Variants in MPZL3 observed in about 807,000 individuals in gnomAD.
MPZL3 encodes myelin protein zero-like protein 3.
Under a neutral mutation model 24.8 loss-of-function variants are expected in MPZL3, and 23 were observed. The ratio of observed to expected loss-of-function variants is 0.93; its 90% CI spans 0.67 to 1.31. The LOEUF is 1.31. Among genes scored for constraint, MPZL3 ranks in the 40% most tolerant of loss-of-function variants. MPZL3 has a pLI of 0.00. For synonymous variants in MPZL3, 99 were observed against 106.5 expected (o/e 0.93, Z 0.44); for missense variants, 277 against 294.9 (o/e 0.94, Z 0.44).
chr11:118,235,697 A>G, intron 3 of MPZL3, 108 bp from the exon 4 acceptor site: 3 of 1,129,278 alleles, frequency 2.7e-6, no homozygotes, highest in Non-Finnish European at 2.5e-6. Flanking sequence ...TGATTACAAA[A>G]GTAATAAATC....
chr11:118,244,424 G>A (rs1949533671), intron 1 of MPZL3, among the ~76,000 whole-genome samples: 1 of 152,200 alleles, frequency 6.6e-6, no homozygotes, highest in Non-Finnish European at 1.5e-5. Flanking sequence ...TTATGATGGG[G>A]GAGAGGAGAG....
Position 118,228,839 on chromosome 11 carries a change from AAAT to A in MPZL3, c.*1052_*1054del, listed in dbSNP as rs903897462. ...GAAAAGTTGTAGTTATAAGAAAATA[AAAT>A]AACAGGCCAAGCACAGTGGCTCATG... On this transcript the variant is annotated 3_prime_UTR_variant, in exon 6 of 6. Transcript: ENST00000278949. The A allele has an allele frequency of 3.9e-5, 6 of 152,190 alleles. No individual in the cohort carries two copies. The highest frequency in any genetic ancestry group is 2.6e-4 in the Admixed American group (4 of 15,270). 9.4% of individuals were successfully genotyped at this position (152,190 alleles called of 1,614,324 possible).
At chr11:118,233,657 G>A in intron 4 of MPZL3, 134 bp from the exon 5 acceptor site, 2 of 878,702 alleles carry the variant, frequency 2.3e-6, no homozygotes, top group South Asian at 2.9e-5. Flanking sequence ...TGGGTGACTG[G>A]GCAAATTGTT....
At chr11:118,244,464 T>C (rs1949534356) in intron 1 of MPZL3, among the ~76,000 whole-genome samples, 1 of 152,176 alleles carries the variant, frequency 6.6e-6, no homozygotes, top group Non-Finnish European at 1.5e-5. Context: ...TGGAAGTTAC[T>C]CTTGAGCTAA....
chr11:118,236,395 G>A (rs1230461917), intron 3 of MPZL3, among the ~76,000 whole-genome samples: 1 of 152,034 alleles, frequency 6.6e-6, no homozygotes, highest in African/African-American at 2.4e-5. Context: ...GGGAGAGAAG[G>A]AGGAAAAGAG....
At chr11:118,250,352 C>CA (rs531599983) in intron 1 of MPZL3, among the ~76,000 whole-genome samples, 18 of 151,580 alleles carry the variant, frequency 1.2e-4, no homozygotes, top group Non-Finnish European at 2.5e-4. Context: ...TCAATAGATA[C>CA]AAAAAAATAG....
rs754968908 is a variant in MPZL3, at chr11:118,237,145, G to A, written c.356C>T (p.Thr119Ile). The part of the protein sequence containing the change: ...GDASISISNP[T>I]IKDNGTFSCA... ...GCTGAATGTCCCATTGTCCTTTATG[G>A]TAGGGTTGCTTATACTTATAGATGC... Residue 119 changes from threonine to isoleucine, a missense_variant, in exon 3 of 6, where the codon ACC becomes ATC. By Grantham distance (89) the Thr-to-Ile change is moderately conservative. Coordinates refer to ENST00000278949, the MANE Select transcript of MPZL3 (RefSeq NM_198275.3). 1.4e-5 allele frequency: 23 copies of A among 1,613,936 alleles called. No individual in the cohort carries two copies. The Admixed American group carries it at 1.8e-4, about 13-fold the overall frequency.
At chr11:118,244,516 T>G (rs1949535003) in intron 1 of MPZL3, among the ~76,000 whole-genome samples, 1 of 152,066 alleles carries the variant, frequency 6.6e-6, no homozygotes, top group Non-Finnish European at 1.5e-5. Flanking sequence ...AGGGAGGGCA[T>G]TCTAGGCAGA....
At chr11:118,246,703 G>A (rs1442334201) in intron 1 of MPZL3, among the ~76,000 whole-genome samples, 1 of 148,386 alleles carries the variant, frequency 6.7e-6, no homozygotes, top group Non-Finnish European at 1.5e-5. Context: ...TCCCATCTCA[G>A]CCTCCCAAAT....
chr11:118,252,140 C>G (rs187122739), intron 1 of MPZL3, 82 bp downstream of exon 1: 1 of 1,424,274 alleles, frequency 7.0e-7, no homozygotes, highest in Non-Finnish European at 9.9e-7. Flanking sequence ...TTTCTGGAGA[C>G]CCCCCTACCC....
At chr11:118,230,196 C>T (rs1949332641) in intron 5 of MPZL3, among the ~76,000 whole-genome samples, 1 of 152,176 alleles carries the variant, frequency 6.6e-6, no homozygotes, top group Admixed American at 6.5e-5. Context: ...TGCCCGCCTA[C>T]CGCACCCTTT....
At chr11:118,244,599 T>C (rs1251973235) in intron 1 of MPZL3, among the ~76,000 whole-genome samples, 1 of 152,034 alleles carries the variant, frequency 6.6e-6, no homozygotes, top group African/African-American at 2.4e-5. Context: ...GGAGTATGAC[T>C]GCAACACAAA....
rs111534985 is a variant in MPZL3, at chr11:118,233,220, G to A, written c.681+240C>T. On this transcript the variant is annotated intron_variant, in intron 5 of 5. Coordinates refer to ENST00000278949, the MANE Select transcript of MPZL3 (RefSeq NM_198275.3). ...TGTCAGTCAGCAGAAACTACTCTAC[G>A]TGGCCCCCTTCCCTAACCTAAGACC... Among the ~76,000 whole-genome samples the A allele has an allele frequency of 6.1e-4, 93 of 152,194 alleles. 1 individual carries two copies. The highest frequency in any genetic ancestry group is 1.9e-3 in the African/African-American group (79 of 41,534).
At position 118,233,495 on chromosome 11, in the gene MPZL3, TAC is replaced by T. The variant is rs144871575; in HGVS notation, c.644_645del (p.Cys215TyrfsTer10). On this transcript the variant is annotated frameshift_variant, in exon 5 of 6. Transcript: ENST00000278949. ...DDTDQEEEEA[C>X]MARLCVRCAE... is the part of the protein sequence containing the mutation. Reference sequence around the variant, plus strand: ...GCGCAACGGACACAAAGCCTCGCCATACACGCCTCTTCCTCCTCCTGATCAGT... The same window carrying T: ...GCGCAACGGACACAAAGCCTCGCCATACGCCTCTTCCTCCTCCTGATCAGT... 1,217 of 1,613,864 alleles carry T rather than the reference TAC, an allele frequency of 7.5e-4. 12 individuals are homozygous for T. In the African/African-American group the frequency reaches 0.015, roughly 20 times the overall value.
At position 118,248,875 on chromosome 11, in the gene MPZL3, AG is replaced by A. The variant is rs138578173; in HGVS notation, c.73+3346del. Among the ~76,000 whole-genome samples, 693 of 152,340 alleles carry A rather than the reference AG, an allele frequency of 4.5e-3. 27 individuals carry two copies. The East Asian group carries it at 0.099, about 22-fold the overall frequency. ...TTTTTTCCCCCGTACTGGTAGATAA[AG>A]CAAACTTTATAAGTGGGCTATTGAA... On this transcript the variant is annotated intron_variant, in intron 1 of 5. Coordinates refer to ENST00000278949, the MANE Select transcript of MPZL3 (RefSeq NM_198275.3).
At chr11:118,236,503 C>G (rs1026430249) in intron 3 of MPZL3, among the ~76,000 whole-genome samples, 1 of 152,134 alleles carries the variant, frequency 6.6e-6, no homozygotes, top group African/African-American at 2.4e-5. Context: ...CAATTAAGGA[C>G]TAGCATGACC....
intron 1 of MPZL3, among the ~76,000 whole-genome samples, chr11:118,243,162 C>G (rs775111762): frequency 1.3e-5 from 2 of 152,182 alleles, no homozygotes; most frequent in Non-Finnish European, 2.9e-5. Context: ...ATATCTCCCA[C>G]AGCTGAGTCC....
chr11:118,250,334 T>C (rs532966766), intron 1 of MPZL3, among the ~76,000 whole-genome samples: 12 of 152,068 alleles, frequency 7.9e-5, no homozygotes, highest in African/African-American at 2.9e-4. Context: ...ATGTCCAGAA[T>C]AGGCAAATCA....
In MPZL3 at chr11:118,226,761, T is replaced by C. The variant is rs1236133979; in HGVS notation, c.*3133A>G. ...TACCAAGAGTTACAATATTTGTGCA[T>C]ATGGCCCAACAGTGCCTACCCTCCT... On this transcript the variant is annotated 3_prime_UTR_variant, in exon 6 of 6. Coordinates refer to ENST00000278949, the MANE Select transcript of MPZL3 (RefSeq NM_198275.3). 1 of 152,194 alleles carries C rather than the reference T, an allele frequency of 6.6e-6. No homozygotes were observed. The highest frequency in any genetic ancestry group is 1.9e-4 in the East Asian group (1 of 5,208). 9.4% of individuals were successfully genotyped at this position (152,194 alleles called of 1,614,324 possible).
Sources: gnomAD v4.1 joint callset for allele counts (sites outside exome capture counted in the v4.1 genomes callset) on GRCh38, gnomAD v4.1.1 for gene constraint, MANE v1.5 for transcripts, NCBI Gene and HGNC (gene_info 2026-07-23, HGNC 2026-07-21) for gene names.